The following VTI1A variants were observed in gnomAD, a reference collection of about 807,000 sequenced individuals.
VTI1A encodes the protein vesicle transport through interaction with t-SNAREs 1A.
A neutral mutation model predicts 34.9 loss-of-function variants in VTI1A; 22 were observed. That is an observed-to-expected ratio of 0.63 (90% confidence interval 0.45 to 0.90). VTI1A has a LOEUF of 0.90. Among genes scored for constraint, VTI1A ranks in the 40% least tolerant of loss-of-function variants. The pLI is 0.00. For synonymous variants in VTI1A, 87 were observed against 97.3 expected (o/e 0.89, Z 0.62); for missense variants, 268 against 275.6 (o/e 0.97, Z 0.20).
chr10:112,833,709 T>G, the VTI1A span, among the ~76,000 whole-genome samples: 1 of 152,128 alleles, frequency 6.6e-6, no homozygotes, highest in Non-Finnish European at 1.5e-5. Context: ...AGGGCAGGAA[T>G]CATGTCTGGG....
chr10:112,793,822 G>A (rs918418259), intron 7 of VTI1A, among the ~76,000 whole-genome samples: 1 of 152,180 alleles, frequency 6.6e-6, no homozygotes, highest in African/African-American at 2.4e-5. Context: ...AATCAGACTA[G>A]GTGCTGATGT....
chr10:112,517,431 A>G (rs1205556348), intron 3 of VTI1A, among the ~76,000 whole-genome samples: 1 of 152,136 alleles, frequency 6.6e-6, no homozygotes, highest in East Asian at 1.9e-4. Context: ...CAAATCTCCT[A>G]TGCAATAGAA....
At chr10:112,834,025 G>A in the VTI1A span, among the ~76,000 whole-genome samples, 2 of 152,142 alleles carry the variant, frequency 1.3e-5, no homozygotes, top group Non-Finnish European at 2.9e-5. Context: ...GTGAGCCTAA[G>A]CAAGTTAATC....
intron 5 of VTI1A, among the ~76,000 whole-genome samples, chr10:112,641,321 G>A (rs933190937): frequency 3.9e-5 from 6 of 152,022 alleles, no homozygotes; most frequent in Non-Finnish European, 8.8e-5. Flanking sequence ...CTTCAAACAC[G>A]CTAAGCTTGC....
At chr10:112,670,042 A>G (rs145409529) in intron 7 of VTI1A, among the ~76,000 whole-genome samples, 2 of 152,304 alleles carry the variant, frequency 1.3e-5, no homozygotes, top group Non-Finnish European at 2.9e-5. Flanking sequence ...CTCCCAACTC[A>G]GAATCATAAG....
intron 7 of VTI1A, among the ~76,000 whole-genome samples, chr10:112,777,785 C>T (rs1851994202): frequency 6.6e-6 from 1 of 152,198 alleles, no homozygotes; most frequent in African/African-American, 2.4e-5. Flanking sequence ...TGTCATTTAA[C>T]TTTCACAGAA....
chr10:112,534,306 A>T (rs898497151), intron 4 of VTI1A, among the ~76,000 whole-genome samples: 1 of 152,170 alleles, frequency 6.6e-6, no homozygotes, highest in Admixed American at 6.5e-5. Context: ...AGTCAAACAT[A>T]TCAAACATGC....
At chr10:112,684,734 C>T (rs1054632816) in intron 7 of VTI1A, among the ~76,000 whole-genome samples, 12 of 152,064 alleles carry the variant, frequency 7.9e-5, no homozygotes, top group African/African-American at 2.9e-4. Context: ...CCACCACACC[C>T]GGCCTGCTCA....
At chr10:112,477,740 A>G (rs1326507830) in intron 3 of VTI1A, among the ~76,000 whole-genome samples, 1 of 152,186 alleles carries the variant, frequency 6.6e-6, no homozygotes, top group Non-Finnish European at 1.5e-5. Flanking sequence ...TAAAACAAGG[A>G]TGCCCTTTGT....
At chr10:112,594,076 AT>A (rs902078150) in intron 5 of VTI1A, among the ~76,000 whole-genome samples, 3 of 151,866 alleles carry the variant, frequency 2.0e-5, no homozygotes, top group South Asian at 4.2e-4. Context: ...TGCCCGGCTA[AT>A]TTTTTTTGTA....
At position 112,611,061 on chromosome 10, in the gene VTI1A, T is replaced by C. The variant is rs578053999; in HGVS notation, c.428-57157T>C. ...ACTTTCTTAATACCAAATTTTCTTA[T>C]GTTCACTGTAAAGAAACTTAGAGCT... On this transcript the variant is annotated intron_variant, in intron 5 of 7. Transcript: ENST00000393077. 2.6e-5 allele frequency among the ~76,000 whole-genome samples: 4 copies of C among 152,374 alleles called. No individual in the cohort carries two copies. The South Asian group carries it at 6.2e-4, about 24-fold the overall frequency.
intron 7 of VTI1A, among the ~76,000 whole-genome samples, chr10:112,753,844 A>C (rs1421109710): frequency 2.6e-5 from 4 of 152,234 alleles, no homozygotes; most frequent in African/African-American, 9.6e-5. Context: ...CTTATAAAAG[A>C]GAAAGAAAAC....
At chr10:112,672,170 GA>G (rs61220112) in intron 7 of VTI1A, among the ~76,000 whole-genome samples, 66,057 of 150,348 alleles carry the variant, frequency 0.44, 16,008 homozygotes, top group African/African-American at 0.64. Context: ...CACCTGTTTG[GA>G]AAAAAAAATA....
At chr10:112,820,311 A>C (rs564021486), downstream of VTI1A, among the ~76,000 whole-genome samples, 3 of 152,380 alleles carry the variant, frequency 2.0e-5, no homozygotes, top group East Asian at 1.9e-4. Flanking sequence ...GGCTCTGTGA[A>C]GAGCCATCCT....
At chr10:112,671,031 G>A (rs920297047) in intron 7 of VTI1A, among the ~76,000 whole-genome samples, 3 of 152,164 alleles carry the variant, frequency 2.0e-5, no homozygotes, top group Admixed American at 6.5e-5. Context: ...TTACTGCCGC[G>A]TATGATATAC....
intron 3 of VTI1A, among the ~76,000 whole-genome samples, chr10:112,512,285 C>T (rs1286651312): frequency 1.3e-5 from 2 of 152,082 alleles, no homozygotes; most frequent in African/African-American, 4.8e-5. Flanking sequence ...TTTTGATTTG[C>T]ATTTCTTTGA....
intron 3 of VTI1A, among the ~76,000 whole-genome samples, chr10:112,482,134 A>G (rs1021184314): frequency 3.3e-5 from 5 of 151,468 alleles, no homozygotes; most frequent in Non-Finnish European, 7.4e-5. Flanking sequence ...TGTCTTAAAC[A>G]ATTGCTATTT....
chr10:112,850,335 T>C, the VTI1A span, among the ~76,000 whole-genome samples: 2 of 144,940 alleles, frequency 1.4e-5, no homozygotes, highest in East Asian at 2.1e-4. Context: ...TTTCGAACTA[T>C]GTGAGTCATG....
chr10:112,745,197 T>G (rs1468826187), intron 7 of VTI1A, among the ~76,000 whole-genome samples: 2 of 152,088 alleles, frequency 1.3e-5, no homozygotes, highest in Admixed American at 1.3e-4. Flanking sequence ...AGGAAGAGGG[T>G]TAACTTCTTC....
Sources: allele counts gnomAD v4.1 joint callset (sites outside exome capture counted in the v4.1 genomes callset), GRCh38; gene constraint gnomAD v4.1.1; transcripts MANE v1.5; gene names NCBI Gene and HGNC (gene_info 2026-07-23, HGNC 2026-07-21).